The following GALNT9 variants were observed in gnomAD, a reference collection of about 807,000 sequenced individuals.
GALNT9 encodes GalNAc transferase 9.
A neutral mutation model predicts 63.1 loss-of-function variants in GALNT9; 47 were observed. That is an observed-to-expected ratio of 0.75 (90% CI 0.59 to 0.95). The LOEUF (loss-of-function observed/expected upper bound fraction) is 0.95, where lower values mean the gene tolerates loss of function less well. GALNT9 is among the 40% of genes least tolerant of loss of function. The pLI, the probability that GALNT9 is intolerant of heterozygous loss-of-function variation, is 0.00. For missense variants in GALNT9, 829 were observed against 874.8 expected, an observed-to-expected ratio of 0.95 and a Z score of 0.66; for synonymous variants, 396 against 365.7, an observed-to-expected ratio of 1.08 and a Z score of -0.94.
At chr12:132,230,413 G>T (rs1877846560) in intron 6 of GALNT9, among the ~76,000 whole-genome samples, 1 of 152,230 alleles carries the variant, frequency 6.6e-6, no homozygotes, top group Non-Finnish European at 1.5e-5. Context: ...CCAACTGCAG[G>T]GGGGTTTGGT....
rs1204461147 is a variant in GALNT9 at position 132,286,542 on chromosome 12, C to A, written c.239-112G>T. 7.1e-7 allele frequency: 1 copy of A among 1,416,974 alleles called. No individual in the cohort carries two copies. The highest frequency in any genetic ancestry group is 9.3e-7 in the Non-Finnish European group (1 of 1,080,216). 87.8% of individuals were successfully genotyped at this position (1,416,974 alleles called of 1,614,324 possible). ...GACGGCCGCTTCCCCCGGTACAAGC[C>A]CAGCAAACTCCCTGCAGATGGCAGG... On this transcript the variant is annotated intron_variant, in intron 1 of 10. Coordinates refer to ENST00000328957, the MANE Select transcript of GALNT9 (RefSeq NM_001122636.2). The surrounding 1 kb of genome is among the most constrained non-coding windows in gnomAD (Gnocchi z 7.4).
chr12:132,247,799 C>A (rs561949327), intron 6 of GALNT9, 111 bp downstream of exon 6: 4 of 1,493,160 alleles, frequency 2.7e-6, no homozygotes, highest in Non-Finnish European at 3.6e-6. Context: ...CAGCCACACT[C>A]GCCCTCACCC....
At position 132,258,933 on chromosome 12, in the gene GALNT9, T is replaced by C. The variant is rs555948992; in HGVS notation, c.762-1047A>G. ...GGCTGCAGTGAGAGGCTGGATGGCC[T>C]GAGGGCAGATTCGGGTCGGCTCAGG... On this transcript the variant is annotated intron_variant, in intron 4 of 10. Coordinates refer to ENST00000328957, the MANE Select transcript of GALNT9 (RefSeq NM_001122636.2). 2.4e-3 allele frequency among the ~76,000 whole-genome samples: 363 copies of C among 150,858 alleles called. 4 individuals carry two copies. The highest frequency in any genetic ancestry group is 8.8e-3 in the African/African-American group (359 of 40,578).
Position 132,329,583 on chromosome 12 carries a change from G to C in GALNT9, c.-380C>G, listed in dbSNP as rs1869210551. Among the ~76,000 whole-genome samples the C allele has an allele frequency of 6.8e-6, 1 of 147,220 alleles. No individual in the cohort carries two copies. On this transcript the variant is annotated 5_prime_UTR_variant, in exon 1 of 11. Transcript: ENST00000328957. ...GCCCCGCAGCCACCGCGCCGGTGCA[G>C]AGTGACGCGGCCTCACCTCACCTCA...
rs1204567583 is a variant in GALNT9 at position 132,225,733 on chromosome 12, CTG to C, written c.1078-22045_1078-22044del. Among the ~76,000 whole-genome samples the C allele has an allele frequency of 1.9e-4, 28 of 146,782 alleles. 1 individual carries two copies. Among genetic ancestry groups the C allele is most frequent in the Admixed American group, 1.4e-3 (20 of 14,758 alleles). ...ACGTACACACCCCATACACACAACA[CTG>C]TACATACACACCCCCCACAACCCAC... On this transcript the variant is annotated intron_variant, in intron 6 of 10. Coordinates refer to ENST00000328957, the MANE Select transcript of GALNT9 (RefSeq NM_001122636.2).
chr12:132,214,164 T>C (rs1250536350), intron 6 of GALNT9, among the ~76,000 whole-genome samples: 1 of 152,114 alleles, frequency 6.6e-6, no homozygotes, highest in Non-Finnish European at 1.5e-5. Context: ...GTGCCGTGTG[T>C]GAGGTCCCTG....
At chr12:132,215,276 G>A (rs994623261) in intron 6 of GALNT9, among the ~76,000 whole-genome samples, 1 of 152,238 alleles carries the variant, frequency 6.6e-6, no homozygotes, top group Non-Finnish European at 1.5e-5. Context: ...GTACTTCCTC[G>A]CACACCGAGC....
chr12:132,228,986 G>T (rs1008993563), intron 6 of GALNT9, among the ~76,000 whole-genome samples: 1 of 152,114 alleles, frequency 6.6e-6, no homozygotes, highest in Non-Finnish European at 1.5e-5. Flanking sequence ...AGAGGCCGCC[G>T]GTGTGGACGG....
chr12:132,302,228 C>CA (rs1566018472), intron 1 of GALNT9, among the ~76,000 whole-genome samples: 1 of 60,528 alleles, frequency 1.7e-5, no homozygotes, highest in Non-Finnish European at 3.4e-5. Context: ...GTAGAAAATT[C>CA]TACACACACA....
chr12:132,205,852 C>T (rs1307604082), intron 6 of GALNT9: 1 of 152,168 alleles, frequency 6.6e-6, no homozygotes, highest in Non-Finnish European at 1.5e-5. Flanking sequence ...CCACCGCCCT[C>T]CCACTCCGCG....
chr12:132,216,488 G>T (rs989437339), intron 6 of GALNT9, among the ~76,000 whole-genome samples: 14 of 152,380 alleles, frequency 9.2e-5, no homozygotes, highest in African/African-American at 3.1e-4. Context: ...GGACCTGGGT[G>T]CTGAGCGCAG....
intron 6 of GALNT9, among the ~76,000 whole-genome samples, chr12:132,207,503 C>T (rs1318424592): frequency 6.6e-6 from 1 of 152,222 alleles, no homozygotes; most frequent in Non-Finnish European, 1.5e-5. Context: ...CAGGTGCCAG[C>T]CCCGTCAGTG....
chr12:132,295,803 GGCCTCCGGAACAGGGAGA>G (rs1235254311), intron 1 of GALNT9, among the ~76,000 whole-genome samples: 145 of 144,840 alleles, frequency 1.0e-3, no homozygotes, highest in Non-Finnish European at 1.6e-3. Flanking sequence ...GAACAGGGAC[GGCCTCCGGAACAGGGAGA>G]GCCTCCGAAC....
intron 6 of GALNT9, among the ~76,000 whole-genome samples, chr12:132,243,442 C>CCCCAGTCCTCCCCGTCCTCCGGAGCTCTG (rs1565997463): frequency 1.7e-5 from 2 of 116,254 alleles, no homozygotes; most frequent in African/African-American, 6.6e-5. Flanking sequence ...AGCTCTCTCT[C>CCCCAGTCCTCCCCGTCCTCCGGAGCTCTG]TCTGGTGGGG....
chr12:132,203,757 G>A (rs773254323), intron 6 of GALNT9, 67 bp from the exon 7 acceptor site: 6 of 1,539,214 alleles, frequency 3.9e-6, no homozygotes, highest in Non-Finnish European at 5.2e-6. Flanking sequence ...GCCAGCTAGG[G>A]GCCCGTGAGA....
chr12:132,241,019 A>G (rs1555237009), intron 6 of GALNT9, among the ~76,000 whole-genome samples: 1 of 132,280 alleles, frequency 7.6e-6, no homozygotes, highest in African/African-American at 3.0e-5. Flanking sequence ...TATACCCATT[A>G]CACACACAAC....
At chr12:132,264,767 C>T (rs1051937902) in intron 2 of GALNT9, among the ~76,000 whole-genome samples, 7 of 152,196 alleles carry the variant, frequency 4.6e-5, no homozygotes, top group Non-Finnish European at 1.0e-4. Flanking sequence ...TATGCTCCAC[C>T]GCGTCATGCT....
intron 6 of GALNT9, among the ~76,000 whole-genome samples, chr12:132,208,755 A>T (rs1217503522): frequency 6.6e-6 from 1 of 152,220 alleles, no homozygotes; most frequent in Non-Finnish European, 1.5e-5. Context: ...GGGCCAAGGA[A>T]ATGGTTGTCT....
chr12:132,240,720 T>G (rs1432724914), intron 6 of GALNT9: 3 of 455,802 alleles, frequency 6.6e-6, no homozygotes, highest in East Asian at 6.9e-5. Flanking sequence ...GCTGGAACCC[T>G]TCTGTTTCCT....
Sources: allele counts gnomAD v4.1 joint callset (sites outside exome capture counted in the v4.1 genomes callset), GRCh38; gene constraint gnomAD v4.1.1; non-coding constraint Gnocchi (gnomAD v3.1); transcripts MANE v1.5; gene names NCBI Gene and HGNC (gene_info 2026-07-23, HGNC 2026-07-21).